The following LRRIQ3 variants were observed in gnomAD, a reference collection of about 807,000 sequenced individuals.
The protein encoded by LRRIQ3 is leucine rich repeats and IQ motif containing 3, also known as leucine-rich repeat and IQ domain-containing protein 3.
Under a neutral mutation model 59.3 loss-of-function variants are expected in LRRIQ3, and 75 were observed. The observed-to-expected ratio is 1.26, with a 90% confidence interval of 1.05 to 1.53. The LOEUF (loss-of-function observed/expected upper bound fraction) is 1.53, where lower values mean the gene tolerates loss of function less well. Among genes scored for constraint, LRRIQ3 ranks in the 40% most tolerant of loss-of-function variants. The pLI, the probability that LRRIQ3 is intolerant of heterozygous loss-of-function variation, is 0.00. For synonymous variants in LRRIQ3, 250 were observed against 231.3 expected (o/e 1.08, Z -0.73); for missense variants, 831 against 710.0 (o/e 1.17, Z -1.94).
intron 4 of LRRIQ3, among the ~76,000 whole-genome samples, chr1:74,117,179 C>T (rs1646788935): frequency 6.6e-6 from 1 of 152,080 alleles, no homozygotes; most frequent in Admixed American, 6.6e-5. Flanking sequence ...TTCCAGGTAA[C>T]TTTGGCAATG....
chr1:74,153,323 T>G (rs1160575349), intron 4 of LRRIQ3, among the ~76,000 whole-genome samples: 1 of 152,160 alleles, frequency 6.6e-6, no homozygotes, highest in African/African-American at 2.4e-5. Context: ...CCATATATAT[T>G]TCAAGTACTT....
chr1:74,179,490 C>A (rs993451987), intron 3 of LRRIQ3, among the ~76,000 whole-genome samples: 7 of 152,032 alleles, frequency 4.6e-5, no homozygotes, highest in African/African-American at 1.7e-4. Context: ...TGTGTGAACT[C>A]TTACAAGGCT....
chr1:74,132,732 T>G (rs1324142885), intron 4 of LRRIQ3, among the ~76,000 whole-genome samples: 1 of 152,162 alleles, frequency 6.6e-6, no homozygotes, highest in African/African-American at 2.4e-5. Context: ...ATTAAAGACT[T>G]AAATGTTAGA....
At chr1:74,134,747 A>G (rs1473285726) in intron 4 of LRRIQ3, among the ~76,000 whole-genome samples, 1 of 151,858 alleles carries the variant, frequency 6.6e-6, no homozygotes, top group African/African-American at 2.4e-5. Context: ...AGAAAATAAC[A>G]AAAAACACAG....
intron 6 of LRRIQ3, among the ~76,000 whole-genome samples, chr1:74,044,329 C>T (rs1298148590): frequency 3.9e-5 from 6 of 152,050 alleles, no homozygotes; most frequent in South Asian, 2.1e-4. Context: ...GGGGTAGACC[C>T]CTCATGAGTG....
chr1:74,163,723 T>C (rs375671862), intron 3 of LRRIQ3, among the ~76,000 whole-genome samples: 2 of 151,702 alleles, frequency 1.3e-5, no homozygotes, highest in East Asian at 1.9e-4. Context: ...TAAACACTCA[T>C]GTACAAGCTT....
At chr1:74,139,561 T>G (rs182703900) in intron 4 of LRRIQ3, among the ~76,000 whole-genome samples, 1 of 151,918 alleles carries the variant, frequency 6.6e-6, no homozygotes, top group African/African-American at 2.4e-5. Flanking sequence ...TAACCTAGGA[T>G]TGATGGCTTT....
intron 1 of LRRIQ3, among the ~76,000 whole-genome samples, chr1:74,192,542 T>A (rs1490522963): frequency 6.6e-6 from 1 of 152,128 alleles, no homozygotes; most frequent in Non-Finnish European, 1.5e-5. Flanking sequence ...TCTTTTTAGT[T>A]GATGTGATAT....
At chr1:74,054,572 A>G (rs1654465371) in intron 6 of LRRIQ3, among the ~76,000 whole-genome samples, 1 of 152,004 alleles carries the variant, frequency 6.6e-6, no homozygotes, top group Non-Finnish European at 1.5e-5. Context: ...ATCTATTGTA[A>G]CAATTGTACC....
At chr1:74,138,788 T>G (rs1318856130) in intron 4 of LRRIQ3, among the ~76,000 whole-genome samples, 1 of 151,958 alleles carries the variant, frequency 6.6e-6, no homozygotes, top group Non-Finnish European at 1.5e-5. Context: ...GGCTCCAGGA[T>G]GTAACTGGGT....
chr1:74,110,241 C>G (rs1239939024), intron 4 of LRRIQ3, among the ~76,000 whole-genome samples: 3 of 151,810 alleles, frequency 2.0e-5, no homozygotes, highest in Non-Finnish European at 4.4e-5. Context: ...ATCAAACCTA[C>G]TCAATATTGT....
At chr1:74,110,162 C>T (rs2100562872) in intron 4 of LRRIQ3, among the ~76,000 whole-genome samples, 1 of 151,868 alleles carries the variant, frequency 6.6e-6, no homozygotes, top group Middle Eastern at 3.4e-3. Context: ...AAGCTAACAT[C>T]ATACTCAATG....
chr1:74,120,883 G>A (rs564276902), intron 4 of LRRIQ3, among the ~76,000 whole-genome samples: 2 of 151,880 alleles, frequency 1.3e-5, no homozygotes, highest in South Asian at 4.2e-4. Flanking sequence ...TCGATTCGTG[G>A]ACTAAACTTT....
At chr1:74,168,116 C>T (rs1219655120) in intron 3 of LRRIQ3, among the ~76,000 whole-genome samples, 2 of 151,736 alleles carry the variant, frequency 1.3e-5, no homozygotes, top group Non-Finnish European at 2.9e-5. Flanking sequence ...ATAGGGTGCT[C>T]GTATTTTCTA....
rs186056416 is a variant in LRRIQ3 at position 74,113,201 on chromosome 1, A to G, written c.708-3648T>C. 1.6e-3 allele frequency among the ~76,000 whole-genome samples: 248 copies of G among 152,200 alleles called. 1 individual carries two copies. Among genetic ancestry groups the G allele is most frequent in the Middle Eastern group, 0.01 (3 of 294 alleles). Reference sequence around the variant, plus strand: ...GAAGTACAATAACTGAAACAAAAAAATTTTACTATGGTGGCTCAACAGATT... The same window carrying G: ...GAAGTACAATAACTGAAACAAAAAAGTTTTACTATGGTGGCTCAACAGATT... On this transcript the variant is annotated intron_variant, in intron 4 of 7. Transcript: ENST00000354431.
chr1:74,049,524 T>C (rs75415408), intron 6 of LRRIQ3, among the ~76,000 whole-genome samples: 1 of 152,096 alleles, frequency 6.6e-6, no homozygotes, highest in Non-Finnish European at 1.5e-5. Context: ...GGGCTGCTGA[T>C]AACTTAGATA....
chr1:74,084,111 C>T lies in LRRIQ3; in HGVS notation c.868-9321G>A, dbSNP rs1341949740. The T allele has an allele frequency of 6.0e-6, 9 of 1,501,824 alleles. No individual in the cohort carries two copies. The Admixed American group carries it at 6.3e-5, about 11-fold the overall frequency. 93.0% of individuals were successfully genotyped at this position (1,501,824 alleles called of 1,614,324 possible). A position where few individuals can be genotyped will look rare whatever the true frequency, so the allele number is the denominator to read the frequency against. The stretch of plus-strand genomic sequence containing the variant: ...GTCCAATCAGAGACAAGTTTTCATC[C>T]TGTTGTCCAATGAATGATGTGCATA... On this transcript the variant is annotated intron_variant, in intron 5 of 7. Coordinates refer to ENST00000354431, the MANE Select transcript of LRRIQ3 (RefSeq NM_001105659.2).
Position 74,041,813 on chromosome 1 carries a change from T to C in LRRIQ3, c.1118A>G (p.Lys373Arg), listed in dbSNP as rs544193178. 3.1e-6 allele frequency: 5 copies of C among 1,613,592 alleles called. No individual in the cohort carries two copies. The highest frequency in any genetic ancestry group is 3.3e-5 in the Admixed American group (2 of 59,970). ...SLKNNAVLRE[K>R]KQHFFPAYPQ... ...ATATGCAGGAAAAAAATGTTGTTTTTTCTCTCTCAATACTGCATTATTCTT... is the reference window on the plus strand; with the variant it reads ...ATATGCAGGAAAAAAATGTTGTTTTCTCTCTCTCAATACTGCATTATTCTT... Residue 373 changes from lysine (K) to arginine (R), a missense_variant, in exon 7 of 8, where the codon AAA becomes AGA. Coordinates refer to ENST00000354431, the MANE Select transcript of LRRIQ3 (RefSeq NM_001105659.2).
chr1:74,076,565 C>T (rs1646212770), intron 5 of LRRIQ3, among the ~76,000 whole-genome samples: 1 of 152,100 alleles, frequency 6.6e-6, no homozygotes, highest in Non-Finnish European at 1.5e-5. Context: ...AATTCATCCT[C>T]ACATTTCCCC....
Sources: gnomAD v4.1 joint callset for allele counts (sites outside exome capture counted in the v4.1 genomes callset) on GRCh38, gnomAD v4.1.1 for gene constraint, MANE v1.5 for transcripts, NCBI Gene and HGNC (gene_info 2026-07-23, HGNC 2026-07-21) for gene names.